Variants in CSMD1 observed in about 807,000 individuals in gnomAD.
The protein encoded by CSMD1 is CUB and Sushi multiple domains 1.
CSMD1 carries 213 observed loss-of-function variants against 417.5 expected under a neutral mutation model. The ratio of observed to expected loss-of-function variants is 0.51; its 90% CI spans 0.46 to 0.57. The LOEUF is 0.57. Ranked by LOEUF, CSMD1 falls within the 20% of genes least tolerant of loss-of-function variation. CSMD1 has a pLI of 0.00. For missense variants in CSMD1, 6,923 were observed against 4,529.7 expected, an observed-to-expected ratio of 1.53 and a Z score of -15.17; for synonymous variants, 2,862 against 1,736.8, an observed-to-expected ratio of 1.65 and a Z score of -16.11.
At chr8:4,649,356 A>G (rs1803736861) in intron 1 of CSMD1, among the ~76,000 whole-genome samples, 1 of 152,216 alleles carries the variant, frequency 6.6e-6, no homozygotes, top group Admixed American at 6.5e-5. Flanking sequence ...TATAAGGTAA[A>G]TAGTTTCCAT....
At chr8:3,976,998 T>C (rs920632817) in intron 5 of CSMD1, among the ~76,000 whole-genome samples, 1 of 152,246 alleles carries the variant, frequency 6.6e-6, no homozygotes, top group South Asian at 2.1e-4. Flanking sequence ...GTGCAGTGGG[T>C]GGGGGCGTGA....
At chr8:3,824,971 T>C (rs1268338816) in intron 5 of CSMD1, among the ~76,000 whole-genome samples, 1 of 152,188 alleles carries the variant, frequency 6.6e-6, no homozygotes. Flanking sequence ...TGTTGTTTAA[T>C]AATAAACACA....
intron 1 of CSMD1, among the ~76,000 whole-genome samples, chr8:4,964,306 A>G (rs1185038330): frequency 2.0e-5 from 3 of 151,838 alleles, no homozygotes; most frequent in Non-Finnish European, 4.4e-5. Flanking sequence ...TTAAGTCCCA[A>G]AGTTCAACAC....
intron 5 of CSMD1, among the ~76,000 whole-genome samples, chr8:3,840,671 G>GAAT (rs1585074719): frequency 6.6e-6 from 1 of 150,868 alleles, no homozygotes; most frequent in East Asian, 2.0e-4. Context: ...TCACTATACA[G>GAAT]TGACCTCAAT....
At chr8:4,134,927 T>TC (rs1803326048) in intron 3 of CSMD1, among the ~76,000 whole-genome samples, 1 of 152,308 alleles carries the variant, frequency 6.6e-6, no homozygotes, top group East Asian at 1.9e-4. Flanking sequence ...GCTAAACTCT[T>TC]CATCTCATTC....
At chr8:3,623,519 G>A (rs574502542) in intron 7 of CSMD1, among the ~76,000 whole-genome samples, 24 of 152,214 alleles carry the variant, frequency 1.6e-4, no homozygotes, top group South Asian at 4.1e-4. Flanking sequence ...CAAATGAAGC[G>A]CTAAAAATAA....
At chr8:4,597,027 G>C (rs1162770417) in intron 2 of CSMD1, among the ~76,000 whole-genome samples, 3 of 152,110 alleles carry the variant, frequency 2.0e-5, no homozygotes, top group Non-Finnish European at 4.4e-5. Context: ...ATGTAGAACT[G>C]TAAGATCAAT....
At chr8:4,891,298 G>A (rs1804107566) in intron 1 of CSMD1, among the ~76,000 whole-genome samples, 1 of 152,252 alleles carries the variant, frequency 6.6e-6, no homozygotes, top group South Asian at 2.1e-4. Flanking sequence ...TACAAGTGAA[G>A]ACACTAAGCT....
At chr8:2,946,644 ATAGACATTTTGGTTG>A (rs1392491806) in intron 68 of CSMD1, among the ~76,000 whole-genome samples, 5 of 152,152 alleles carry the variant, frequency 3.3e-5, no homozygotes, top group African/African-American at 1.2e-4. Context: ...TCATCCATTG[ATAGACATTTTGGTTG>A]TATCTACATT....
chr8:3,779,625 G>A (rs750430249), intron 5 of CSMD1, among the ~76,000 whole-genome samples: 1 of 152,112 alleles, frequency 6.6e-6, no homozygotes, highest in Admixed American at 6.5e-5. Context: ...TATGGATAAT[G>A]ACAGCGTTAA....
At chr8:3,905,805 T>C (rs575866446) in intron 5 of CSMD1, among the ~76,000 whole-genome samples, 30 of 152,306 alleles carry the variant, frequency 2.0e-4, no homozygotes, top group African/African-American at 7.0e-4. Context: ...TCTACTGTAG[T>C]TAACAAAGTC....
chr8:3,157,687 G>A (rs544774418), intron 39 of CSMD1, among the ~76,000 whole-genome samples: 1 of 152,264 alleles, frequency 6.6e-6, no homozygotes, highest in Non-Finnish European at 1.5e-5. Flanking sequence ...GGCTGACCCA[G>A]ACACACTGAG....
chr8:3,259,980 A>G (rs1414899724), intron 26 of CSMD1, among the ~76,000 whole-genome samples: 1 of 152,164 alleles, frequency 6.6e-6, no homozygotes, highest in Non-Finnish European at 1.5e-5. Context: ...TGCCTTGGAG[A>G]CCACAGGACC....
chr8:3,450,293 T>C (rs1485519657), intron 12 of CSMD1, among the ~76,000 whole-genome samples: 1 of 150,678 alleles, frequency 6.6e-6, no homozygotes, highest in Non-Finnish European at 1.5e-5. Flanking sequence ...ATACACATGG[T>C]TGCATACAAG....
intron 5 of CSMD1, among the ~76,000 whole-genome samples, chr8:3,887,578 G>A (rs992432523): frequency 1.3e-5 from 2 of 152,132 alleles, no homozygotes; most frequent in Non-Finnish European, 2.9e-5. Context: ...GTAGAGCAAG[G>A]CCAAGGAAAT....
intron 1 of CSMD1, among the ~76,000 whole-genome samples, chr8:4,730,284 T>C (rs1809758676): frequency 6.6e-6 from 1 of 152,156 alleles, no homozygotes; most frequent in Admixed American, 6.6e-5. Context: ...AGAACAACTG[T>C]GAAGACAGTT....
chr8:4,728,342 T>G (rs1809611601), intron 1 of CSMD1, among the ~76,000 whole-genome samples: 1 of 151,812 alleles, frequency 6.6e-6, no homozygotes, highest in Non-Finnish European at 1.5e-5. Flanking sequence ...AATGCTCATT[T>G]GCTTAAGTAA....
chr8:3,882,221 G>C (rs747858271), intron 5 of CSMD1, among the ~76,000 whole-genome samples: 1 of 151,000 alleles, frequency 6.6e-6, no homozygotes, highest in Non-Finnish European at 1.5e-5. Flanking sequence ...CCCATAAAGT[G>C]GAAAAAAAAG....
chr8:3,631,590 T>G (rs1018418639), intron 7 of CSMD1, among the ~76,000 whole-genome samples: 6 of 152,164 alleles, frequency 3.9e-5, no homozygotes, highest in African/African-American at 9.7e-5. Context: ...GCCAAATCGG[T>G]AGAAGACAGG....
Sources: allele counts gnomAD v4.1 joint callset (sites outside exome capture counted in the v4.1 genomes callset), GRCh38; gene constraint gnomAD v4.1.1; transcripts MANE v1.5; gene names NCBI Gene and HGNC (gene_info 2026-07-23, HGNC 2026-07-21).